The following HELZ variants were observed in gnomAD, a reference collection of about 807,000 sequenced individuals.
The protein encoded by HELZ is helicase with zinc finger.
In HELZ, 23 loss-of-function variants were observed where a neutral mutation model predicts 218.2. That is an observed-to-expected ratio of 0.11 (90% CI 0.08 to 0.15). The LOEUF (loss-of-function observed/expected upper bound fraction) is 0.15, where lower values mean the gene tolerates loss of function less well. HELZ is among the 10% of genes least tolerant of loss of function. The pLI is 1.00. For missense variants in HELZ, 1,813 were observed against 2,353.7 expected (o/e 0.77, Z 4.75); for synonymous variants, 814 against 829.4 (o/e 0.98, Z 0.32).
At position 67,120,387 on chromosome 17, in the gene HELZ, C is replaced by G. The variant is rs765008002; in HGVS notation, c.3838+18G>C. The G allele has an allele frequency of 6.2e-7, 1 of 1,600,320 alleles. No individual in the cohort carries two copies. The highest frequency in any genetic ancestry group is 8.6e-7 in the Non-Finnish European group (1 of 1,167,602). The stretch of plus-strand genomic sequence containing the variant: ...TGTCATCAGTTTATGAACAGGAGAA[C>G]AGCGAAGTACAACTTACCATTTCGA... On this transcript the variant is annotated intron_variant, in intron 27 of 32. Coordinates refer to ENST00000358691, the MANE Select transcript of HELZ (RefSeq NM_014877.4).
At chr17:67,215,615 G>A (rs1020770042) in intron 5 of HELZ, among the ~76,000 whole-genome samples, 11 of 152,152 alleles carry the variant, frequency 7.2e-5, no homozygotes, top group Non-Finnish European at 1.2e-4. Flanking sequence ...CCAAAGTGCT[G>A]GGATTACAGG....
Position 67,106,073 on chromosome 17 carries a change from C to G in HELZ, c.5241+1096G>C, listed in dbSNP as rs2037090115. Among the ~76,000 whole-genome samples, 4 of 152,084 alleles carry G rather than the reference C, an allele frequency of 2.6e-5. No individual in the cohort carries two copies. The South Asian group carries it at 8.3e-4, about 32-fold the overall frequency. ...TATCAAAAAAGTATTTTTCATATAT[C>G]AAAATTAGAAATCTTTATCCTGATT... On this transcript the variant is annotated intron_variant, in intron 31 of 32. Coordinates refer to ENST00000358691, the MANE Select transcript of HELZ (RefSeq NM_014877.4).
At chr17:67,166,743 A>C in intron 14 of HELZ, 135 bp from the exon 15 acceptor site, 3 of 661,172 alleles carry the variant, frequency 4.5e-6, no homozygotes, top group Non-Finnish European at 7.6e-6. Context: ...TCATAGTCTA[A>C]TCATAATTAT....
intron 16 of HELZ, 64 bp downstream of exon 16, chr17:67,160,833 T>C (rs2144111323): frequency 8.2e-7 from 1 of 1,226,518 alleles, no homozygotes; most frequent in Non-Finnish European, 1.1e-6. Flanking sequence ...TCATTGTGTA[T>C]TTAAAACAAG....
At chr17:67,087,961 G>A (rs1289184731) in intron 31 of HELZ, among the ~76,000 whole-genome samples, 1 of 152,196 alleles carries the variant, frequency 6.6e-6, no homozygotes, top group Non-Finnish European at 1.5e-5. Flanking sequence ...AGGCTAGACT[G>A]TCTGGGTTAG....
intron 7 of HELZ, among the ~76,000 whole-genome samples, chr17:67,200,009 GT>G (rs1404369383): frequency 6.6e-6 from 1 of 152,054 alleles, no homozygotes; most frequent in Non-Finnish European, 1.5e-5. Flanking sequence ...ACTTACAGTT[GT>G]TCAATTTATT....
At chr17:67,122,502 C>T (rs538256827) in intron 26 of HELZ, among the ~76,000 whole-genome samples, 23 of 151,812 alleles carry the variant, frequency 1.5e-4, no homozygotes, top group African/African-American at 2.4e-4. Context: ...GCCAAGATCA[C>T]GCCACAGCAC....
At chr17:67,225,026 A>C in intron 3 of HELZ, 1 of 670,954 alleles carries the variant, frequency 1.5e-6, no homozygotes, top group Admixed American at 1.9e-5. Flanking sequence ...GAAAGGGTCA[A>C]GTGATCCAGT....
At position 67,073,697 on chromosome 17, in the gene HELZ, T is replaced by G. The variant is rs1342546219; in HGVS notation, c.*4555A>C. 1 of 152,224 alleles carries G rather than the reference T, an allele frequency of 6.6e-6. No homozygotes were observed. Among genetic ancestry groups the G allele is most frequent in the African/African-American group, 2.4e-5 (1 of 41,456 alleles). The allele number at this position is 152,224 out of a possible 1,614,324, so 9.4% of individuals were successfully genotyped here. A position where few individuals can be genotyped will look rare whatever the true frequency, so the allele number is the denominator to read the frequency against. On this transcript the variant is annotated 3_prime_UTR_variant, in exon 33 of 33. Coordinates refer to ENST00000358691, the MANE Select transcript of HELZ (RefSeq NM_014877.4). ...AGACATTCTCAATTGGTTCAAAAAT[T>G]TTAAACGTTACATTAAAATTGTTTT...
At chr17:67,084,742 A>T (rs1233313378) in intron 32 of HELZ, among the ~76,000 whole-genome samples, 3 of 152,224 alleles carry the variant, frequency 2.0e-5, no homozygotes, top group Admixed American at 1.3e-4. Flanking sequence ...AACCACCAAA[A>T]AAGTAACAAA....
rs555628797 is a variant in HELZ at position 67,150,773 on chromosome 17, G to A, written c.2356+273C>T. 8.9e-4 allele frequency among the ~76,000 whole-genome samples: 135 copies of A among 152,266 alleles called. 1 individual carries two copies. The highest frequency in any genetic ancestry group is 1.4e-3 in the Non-Finnish European group (97 of 68,022). ...AGTCACTAAAATGTCTGAACTAGAG[G>A]CTGGCAAATTTTTCTTCAGTAAAGA... On this transcript the variant is annotated intron_variant, in intron 18 of 32. Coordinates refer to ENST00000358691, the MANE Select transcript of HELZ (RefSeq NM_014877.4).
intron 32 of HELZ, among the ~76,000 whole-genome samples, chr17:67,085,922 C>T (rs922300120): frequency 7.9e-5 from 12 of 152,136 alleles, no homozygotes; most frequent in East Asian, 1.9e-4. Context: ...TTATCCATTC[C>T]GATCCCTTTC....
intron 7 of HELZ, among the ~76,000 whole-genome samples, chr17:67,196,094 C>T (rs1411141019): frequency 2.6e-5 from 4 of 151,976 alleles, no homozygotes; most frequent in African/African-American, 7.2e-5. Flanking sequence ...TCAGGTGATC[C>T]GCCCGCCTCG....
intron 32 of HELZ, among the ~76,000 whole-genome samples, 188 bp downstream of exon 32, chr17:67,086,624 AAATATAAATATATATAT>A (rs1185042675): frequency 1.7e-3 from 83 of 48,660 alleles, no homozygotes; most frequent in African/African-American, 7.1e-3. Flanking sequence ...AAATAAATAT[AAATATAAATATATATAT>A]ATATATATAT....
At chr17:67,081,461 A>T (rs575684432) in intron 32 of HELZ, among the ~76,000 whole-genome samples, 34 of 152,310 alleles carry the variant, frequency 2.2e-4, no homozygotes, top group Admixed American at 2.2e-3. Context: ...CTCTTGTACA[A>T]AGTTTTCTCC....
chr17:67,083,417 A>AGGTG, intron 32 of HELZ, among the ~76,000 whole-genome samples: 1 of 152,060 alleles, frequency 6.6e-6, no homozygotes, highest in Non-Finnish European at 1.5e-5. Flanking sequence ...TGAGGCGGAC[A>AGGTG]GATCATGAGG....
chr17:67,125,586 T>TA (rs2037769014), intron 24 of HELZ, among the ~76,000 whole-genome samples: 1 of 151,788 alleles, frequency 6.6e-6, no homozygotes, highest in Admixed American at 6.6e-5. Context: ...ACTAATTTGC[T>TA]AATGACTCAA....
chr17:67,208,295 G>T (rs1009112853), intron 5 of HELZ, among the ~76,000 whole-genome samples: 4 of 151,848 alleles, frequency 2.6e-5, no homozygotes, highest in African/African-American at 4.8e-5. Flanking sequence ...GGCAGCACAA[G>T]GGAGATCTTC....
At chr17:67,197,052 T>TA (rs2040049339) in intron 7 of HELZ, among the ~76,000 whole-genome samples, 1 of 152,206 alleles carries the variant, frequency 6.6e-6, no homozygotes, top group Non-Finnish European at 1.5e-5. Flanking sequence ...TACTAAGTGA[T>TA]ATGGTTTGGC....
Sources: allele counts gnomAD v4.1 joint callset (sites outside exome capture counted in the v4.1 genomes callset), GRCh38; gene constraint gnomAD v4.1.1; transcripts MANE v1.5; gene names NCBI Gene and HGNC (gene_info 2026-07-23, HGNC 2026-07-21).